LRBA: variants seen among roughly 807,000 people sequenced by gnomAD.
LRBA encodes the protein lipopolysaccharide-responsive and beige-like anchor protein.
LRBA carries 176 observed loss-of-function variants against 330.0 expected under a neutral mutation model. The ratio of observed to expected loss-of-function variants is 0.53; its 90% CI spans 0.47 to 0.60. LRBA has a LOEUF of 0.60. LRBA is among the 20% of genes least tolerant of loss of function. The pLI, the probability that LRBA is intolerant of heterozygous loss-of-function variation, is 0.00. For synonymous variants in LRBA, 1,230 were observed against 1,193.0 expected, an observed-to-expected ratio of 1.03 and a Z score of -0.64; for missense variants, 3,259 against 3,444.8, an observed-to-expected ratio of 0.95 and a Z score of 1.35.
intron 37 of LRBA, among the ~76,000 whole-genome samples, chr4:150,601,055 A>G (rs1233186771): frequency 6.6e-6 from 1 of 152,194 alleles, no homozygotes; most frequent in Non-Finnish European, 1.5e-5. Flanking sequence ...CTAGACTGAG[A>G]TCTCCTACAA....
intron 42 of LRBA, among the ~76,000 whole-genome samples, chr4:150,480,128 T>C (rs1439188928): frequency 6.6e-6 from 1 of 152,194 alleles, no homozygotes; most frequent in East Asian, 1.9e-4. Context: ...GTTAACTAAA[T>C]TGTATTGATG....
At chr4:150,452,824 G>A (rs1292358391) in intron 44 of LRBA, among the ~76,000 whole-genome samples, 1 of 152,032 alleles carries the variant, frequency 6.6e-6, no homozygotes, top group Non-Finnish European at 1.5e-5. Context: ...GTCCCAAAAA[G>A]TCTACAAAAA....
intron 37 of LRBA, among the ~76,000 whole-genome samples, chr4:150,612,395 G>A (rs1166366310): frequency 6.6e-6 from 1 of 152,024 alleles, no homozygotes; most frequent in Non-Finnish European, 1.5e-5. Context: ...TTTGCAACCT[G>A]GATAAATTAA....
intron 26 of LRBA, 58 bp downstream of exon 26, chr4:150,848,760 T>C (rs1216042750): frequency 7.7e-7 from 1 of 1,292,114 alleles, no homozygotes; most frequent in East Asian, 2.3e-5. Context: ...TTCAATGTCA[T>C]CTCTGAATTA....
chr4:150,810,079 A>G (rs557467555), intron 31 of LRBA, among the ~76,000 whole-genome samples: 1 of 152,258 alleles, frequency 6.6e-6, no homozygotes, highest in Admixed American at 6.5e-5. Flanking sequence ...TAATCAGAAG[A>G]TTTGTGGATA....
intron 46 of LRBA, among the ~76,000 whole-genome samples, chr4:150,417,310 T>C (rs1747919430): frequency 6.6e-6 from 1 of 152,108 alleles, no homozygotes; most frequent in African/African-American, 2.4e-5. Context: ...ACTATATAAT[T>C]TTCTAGTATT....
intron 31 of LRBA, among the ~76,000 whole-genome samples, chr4:150,811,131 C>T (rs886092143): frequency 6.6e-6 from 1 of 152,164 alleles, no homozygotes; most frequent in Non-Finnish European, 1.5e-5. Context: ...TTATTAAACT[C>T]AGTAAATGAC....
chr4:150,570,461 T>C (rs552623570), intron 40 of LRBA, among the ~76,000 whole-genome samples: 3 of 152,216 alleles, frequency 2.0e-5, no homozygotes, highest in Non-Finnish European at 4.4e-5. Flanking sequence ...GCCAATAAGA[T>C]GTATATGAAA....
At chr4:150,517,112 T>C (rs1379568386) in intron 40 of LRBA, among the ~76,000 whole-genome samples, 1 of 152,208 alleles carries the variant, frequency 6.6e-6, no homozygotes, top group Admixed American at 6.5e-5. Flanking sequence ...TACCAAGTTG[T>C]ATATATTATA....
chr4:150,690,982 T>C (rs1222998019), intron 36 of LRBA, among the ~76,000 whole-genome samples: 13 of 140,632 alleles, frequency 9.2e-5, no homozygotes, highest in Admixed American at 1.5e-4. Context: ...CAGGCTGGAG[T>C]GCAGTGGCTC....
intron 34 of LRBA, among the ~76,000 whole-genome samples, chr4:150,788,320 A>G (rs1196018531): frequency 1.4e-5 from 2 of 147,844 alleles, no homozygotes; most frequent in Non-Finnish European, 3.0e-5. Context: ...GCTGGTCTCA[A>G]ACTCCTGCCT....
intron 40 of LRBA, among the ~76,000 whole-genome samples, chr4:150,587,372 A>G (rs900451049): frequency 1.3e-5 from 2 of 152,184 alleles, no homozygotes; most frequent in African/African-American, 4.8e-5. Context: ...TTTAAAAGAA[A>G]CTGTTTCCTC....
At chr4:151,002,215 A>AC (rs1743442824) in intron 2 of LRBA, among the ~76,000 whole-genome samples, 2 of 150,042 alleles carry the variant, frequency 1.3e-5, no homozygotes, top group Admixed American at 1.3e-4. Flanking sequence ...AAAAAAAAAA[A>AC]AAAAAAGGGC....
chr4:150,442,906 T>G (rs1270784845), intron 44 of LRBA, among the ~76,000 whole-genome samples: 1 of 152,206 alleles, frequency 6.6e-6, no homozygotes, highest in Non-Finnish European at 1.5e-5. Context: ...AATAATGATT[T>G]GGTCTGAGAA....
intron 37 of LRBA, among the ~76,000 whole-genome samples, chr4:150,625,013 G>C (rs892810380): frequency 1.3e-5 from 2 of 151,986 alleles, no homozygotes; most frequent in African/African-American, 4.8e-5. Flanking sequence ...TTGTAGTCAA[G>C]GAAAATAACT....
Position 150,264,906 on chromosome 4 carries a change from G to T in LRBA, c.*816C>A, listed in dbSNP as rs1745111122. 1 of 31,750 alleles carries T rather than the reference G, an allele frequency of 3.1e-5. No homozygotes were observed. The highest frequency in any genetic ancestry group is 1.4e-4 in the Non-Finnish European group (1 of 7,134). The allele number at this position is 31,750 out of a possible 1,614,324, so 2.0% of individuals were successfully genotyped here. ...TTTGCAAACCCGGGGAGGGAAGGGG[G>T]TGCCCCAACAAAACAACAGTGGCTC... On this transcript the variant is annotated 3_prime_UTR_variant, in exon 57 of 57. Transcript: ENST00000651943.
In LRBA at chr4:150,806,370, C is replaced by T. The variant is rs920666461; in HGVS notation, c.5419G>A (p.Ala1807Thr). The change falls in exon 33 of 57, where the codon GCA becomes ACA. Residue 1807 changes from alanine to threonine, a missense_variant. Physicochemically the swap from Ala to Thr is moderately conservative, Grantham distance 58. Transcript: ENST00000651943. ...TERLEHALEKAAPLLREIFVD... is the reference protein window; with the variant it reads ...TERLEHALEKTAPLLREIFVD... ...AAAATCTCACGAAGGAGAGGAGCTG[C>T]CTTTTCCAAAGCGTGTTCAAGCCTC... 1.9e-6 allele frequency: 3 copies of T among 1,609,924 alleles called. No homozygotes were observed. In the African/African-American group the frequency reaches 4.0e-5, roughly 22 times the overall value.
At chr4:150,868,780 A>C (rs1040425652) in intron 20 of LRBA, among the ~76,000 whole-genome samples, 1 of 152,068 alleles carries the variant, frequency 6.6e-6, no homozygotes, top group African/African-American at 2.4e-5. Flanking sequence ...TCTACTAAAA[A>C]TATAAAAATT....
chr4:150,545,014 T>C (rs567019671), intron 40 of LRBA, among the ~76,000 whole-genome samples: 11 of 152,302 alleles, frequency 7.2e-5, no homozygotes, highest in Admixed American at 4.6e-4. Context: ...TGATGTGAAG[T>C]GCTTAACATC....
Sources: gnomAD v4.1 joint callset for allele counts (sites outside exome capture counted in the v4.1 genomes callset) on GRCh38, gnomAD v4.1.1 for gene constraint, MANE v1.5 for transcripts, NCBI Gene and HGNC (gene_info 2026-07-23, HGNC 2026-07-21) for gene names.